SYTL5: variants seen among roughly 807,000 people sequenced by gnomAD.
SYTL5 encodes synaptotagmin-like protein 5.
SYTL5 carries 34 observed loss-of-function variants against 55.9 expected under a neutral mutation model. The observed-to-expected ratio is 0.61, with a 90% CI of 0.46 to 0.81. The LOEUF is 0.81. Ranked by LOEUF, SYTL5 falls within the 30% of genes least tolerant of loss-of-function variation. The pLI is 0.00. For missense variants in SYTL5, 637 were observed against 546.7 expected (o/e 1.17, Z -1.65); for synonymous variants, 221 against 188.7 (o/e 1.17, Z -1.40).
At chrX:38,057,533 T>C (rs1318538227) in intron 3 of SYTL5, among the ~76,000 whole-genome samples, 1 of 111,797 alleles carries the variant, frequency 8.9e-6, no homozygotes, top group Non-Finnish European at 1.9e-5. Flanking sequence ...TTTTTTGCAG[T>C]TCTGTGAAAA....
chrX:37,904,254 G>A, the SYTL5 span, among the ~76,000 whole-genome samples: 2 of 99,546 alleles, frequency 2.0e-5, no homozygotes, highest in Admixed American at 2.3e-4. Flanking sequence ...AGAGGTGTGT[G>A]TGGGGTGGTC....
At chrX:38,083,808 GTT>G (rs1491445401) in intron 6 of SYTL5, among the ~76,000 whole-genome samples, 18 of 100,033 alleles carry the variant, frequency 1.8e-4, no homozygotes, top group Non-Finnish European at 6.1e-5. Flanking sequence ...GTGTGTGTGT[GTT>G]TGTGCGCATA....
chrX:37,999,028 G>A, the SYTL5 span, among the ~76,000 whole-genome samples: 1 of 112,032 alleles, frequency 8.9e-6, no homozygotes, highest in South Asian at 3.8e-4. Context: ...GTCCTATTGT[G>A]CATGACTACT....
At chrX:38,069,799 A>C (rs985585393) in intron 3 of SYTL5, among the ~76,000 whole-genome samples, 1 of 112,051 alleles carries the variant, frequency 8.9e-6, no homozygotes, top group Non-Finnish European at 1.9e-5. Context: ...AAGAAACAGG[A>C]GACATCTTTC....
At chrX:37,973,684 A>G in the SYTL5 span, among the ~76,000 whole-genome samples, 2 of 109,832 alleles carry the variant, frequency 1.8e-5, no homozygotes, top group South Asian at 8.1e-4. Flanking sequence ...CCCAGGCTGG[A>G]GTGCAAGTGG....
At chrX:37,942,656 G>A in the SYTL5 span, among the ~76,000 whole-genome samples, 4 of 111,275 alleles carry the variant, frequency 3.6e-5, no homozygotes, top group Non-Finnish European at 7.5e-5. Flanking sequence ...CCCCATTGCT[G>A]TGCTTCACTT....
intron 5 of SYTL5, 113 bp downstream of exon 5, chrX:38,073,811 G>A: frequency 2.2e-6 from 1 of 446,829 alleles, no homozygotes; most frequent in Non-Finnish European, 3.8e-6. Flanking sequence ...GAGGAGGTCA[G>A]AGACTCAAAC....
chrX:37,902,907 CAAATT>C, the SYTL5 span, among the ~76,000 whole-genome samples: 1 of 112,018 alleles, frequency 8.9e-6, no homozygotes, highest in South Asian at 3.7e-4. Flanking sequence ...AAAGGAGACT[CAAATT>C]AAAATTCATT....
the SYTL5 span, among the ~76,000 whole-genome samples, chrX:37,935,765 A>G: frequency 1.8e-5 from 2 of 112,705 alleles, no homozygotes; most frequent in African/African-American, 6.4e-5. Context: ...AGAAATGACA[A>G]GAGAATTAAA....
chrX:37,929,810 G>A, the SYTL5 span, among the ~76,000 whole-genome samples: 1 of 112,143 alleles, frequency 8.9e-6, no homozygotes. Context: ...GATGACTTTA[G>A]GGTTATGAAT....
At chrX:37,945,783 C>T in the SYTL5 span, 9 of 116,794 alleles carry the variant, frequency 7.7e-5, no homozygotes, top group Non-Finnish European at 1.7e-4. Context: ...TGAGAGTTGG[C>T]TAAAACAGGT....
rs1031628983 is a variant in SYTL5 at position 38,049,946 on chromosome X, A to C, written c.120-4267A>C. Among the ~76,000 whole-genome samples, 13 of 111,889 alleles carry C rather than the reference A, an allele frequency of 1.2e-4. No homozygotes were observed. In the Admixed American group the frequency reaches 1.2e-3, roughly 11 times the overall value. On this transcript the variant is annotated intron_variant, in intron 2 of 16. Coordinates refer to ENST00000297875, the MANE Select transcript of SYTL5 (RefSeq NM_138780.3). The stretch of plus-strand genomic sequence containing the variant: ...AAGTCTTGAGACAGAGAGACGTTAA[A>C]TAATTGTCTTAAGGTCTCAGAGGAA...
At chrX:37,923,152 G>T in the SYTL5 span, among the ~76,000 whole-genome samples, 7 of 112,836 alleles carry the variant, frequency 6.2e-5, no homozygotes, top group Non-Finnish European at 1.3e-4. Context: ...CCATGTTGCA[G>T]ATGTCCACTT....
Position 38,051,549 on chromosome X carries a change from G to A in SYTL5, c.120-2664G>A, listed in dbSNP as rs1284672319. On this transcript the variant is annotated intron_variant, in intron 2 of 16. Transcript: ENST00000297875. ...ATCCATTTCAATCTCCTTCCCATAT[G>A]CCTCAAATTCATACAGCACTTCAAG... Among the ~76,000 whole-genome samples, 9 of 111,360 alleles carry A rather than the reference G, an allele frequency of 8.1e-5. No homozygotes were observed. In the East Asian group the frequency reaches 2.5e-3, roughly 31 times the overall value.
chrX:37,898,684 C>T, the SYTL5 span, among the ~76,000 whole-genome samples: 4 of 111,940 alleles, frequency 3.6e-5, no homozygotes, highest in East Asian at 1.1e-3. Flanking sequence ...ATTTTATATC[C>T]TTCCTCTATG....
intron 15 of SYTL5, 79 bp from the exon 16 acceptor site, chrX:38,125,219 A>T: frequency 1.2e-6 from 1 of 846,058 alleles, no homozygotes; most frequent in Non-Finnish European, 1.7e-6. Context: ...AAAATCAAAT[A>T]GACACATCAC....
At chrX:37,927,331 A>G in the SYTL5 span, among the ~76,000 whole-genome samples, 48 of 111,808 alleles carry the variant, frequency 4.3e-4, no homozygotes, top group African/African-American at 1.5e-3. Context: ...TTGGGGGAAG[A>G]GTTTAATGTA....
the SYTL5 span, among the ~76,000 whole-genome samples, chrX:37,890,693 G>A: frequency 1.9e-4 from 21 of 112,061 alleles, no homozygotes; most frequent in Admixed American, 3.8e-4. Flanking sequence ...TTTGCTCTGC[G>A]TAAAAATCAT....
At chrX:37,897,522 C>T in the SYTL5 span, among the ~76,000 whole-genome samples, 3 of 109,047 alleles carry the variant, frequency 2.8e-5, no homozygotes, top group Non-Finnish European at 5.7e-5. Context: ...AGAGAGTTAA[C>T]AAGGGGCCAA....
Sources: allele counts gnomAD v4.1 joint callset (sites outside exome capture counted in the v4.1 genomes callset), GRCh38; gene constraint gnomAD v4.1.1; transcripts MANE v1.5; gene names NCBI Gene and HGNC (gene_info 2026-07-23, HGNC 2026-07-21).